HBS1L: variants seen among roughly 807,000 people sequenced by gnomAD.
HBS1L encodes HBS1 like translational GTPase.
Under a neutral mutation model 88.9 loss-of-function variants are expected in HBS1L, and 55 were observed. The ratio of observed to expected loss-of-function variants is 0.62; its 90% CI spans 0.50 to 0.77. HBS1L has a LOEUF of 0.77. HBS1L is among the 30% of genes least tolerant of loss of function. HBS1L has a pLI of 0.00. For missense variants in HBS1L, 741 were observed against 829.3 expected (o/e 0.89, Z 1.31); for synonymous variants, 267 against 288.5 (o/e 0.93, Z 0.76).
At chr6:135,025,195 G>A (rs904993082) in intron 4 of HBS1L, among the ~76,000 whole-genome samples, 6 of 152,060 alleles carry the variant, frequency 3.9e-5, no homozygotes, top group Non-Finnish European at 7.4e-5. Flanking sequence ...ACAGAAAACT[G>A]TACTTTCAAA....
In HBS1L at chr6:134,996,794, A is replaced by T. The variant is rs1218552470; in HGVS notation, c.948T>A (p.Thr316=). ...SFAYAWVLDE[T]GEERERGVTM... ...GTGACTACCTTTCCCTTTCTTCGCC[A>T]GTTTCATCCAAGACCCATGCATATG... The change falls in exon 7 of 18, where the codon ACT becomes ACA. Residue 316 remains threonine, a synonymous_variant. Transcript: ENST00000367837. The T allele has an allele frequency of 1.3e-6, 2 of 1,595,434 alleles. No homozygotes were observed. Among genetic ancestry groups the T allele is most frequent in the Non-Finnish European group, 1.7e-6 (2 of 1,173,580 alleles).
chr6:134,965,939 T>C (rs1237177727), intron 17 of HBS1L, among the ~76,000 whole-genome samples: 1 of 152,196 alleles, frequency 6.6e-6, no homozygotes, highest in Non-Finnish European at 1.5e-5. Flanking sequence ...CAGAAAACAA[T>C]CATGTGGAGT....
In HBS1L at chr6:135,054,737, A is replaced by G. The variant is rs766866329; in HGVS notation, c.-46T>C. ...CCACAGCCCCTTAACTCCTTCCAAA[A>G]CACTCCGCTTAGATACTGATAAGGC... is the stretch of plus-strand genomic sequence containing the variant. On this transcript the variant is annotated 5_prime_UTR_variant, in exon 1 of 18. Coordinates refer to ENST00000367837, the MANE Select transcript of HBS1L (RefSeq NM_006620.4). 6.2e-7 allele frequency: 1 copy of G among 1,611,600 alleles called. No homozygotes were observed. Among genetic ancestry groups the G allele is most frequent in the Admixed American group, 1.7e-5 (1 of 59,946 alleles).
At chr6:135,036,835 G>C (rs764249537) in intron 4 of HBS1L, 27 of 1,551,684 alleles carry the variant, frequency 1.7e-5, no homozygotes, top group South Asian at 2.4e-5. Context: ...CCTAGTCAGA[G>C]AGCCTTTGTT....
At chr6:134,966,286 T>C (rs763789883) in intron 17 of HBS1L, 43 bp downstream of exon 17, 8 of 1,535,872 alleles carry the variant, frequency 5.2e-6, no homozygotes, top group Admixed American at 2.0e-5. Flanking sequence ...AGAAAAGGCA[T>C]CATAACTATG....
chr6:135,010,379 C>T (rs1257787257), intron 4 of HBS1L, among the ~76,000 whole-genome samples: 2 of 152,040 alleles, frequency 1.3e-5, no homozygotes, highest in African/African-American at 4.8e-5. Context: ...AAAATCAGAC[C>T]TTTATTCTAT....
chr6:135,036,812 A>G (rs1776566439), intron 4 of HBS1L: 1 of 1,551,678 alleles, frequency 6.4e-7, no homozygotes, highest in South Asian at 1.2e-5. Context: ...CAAGAGAGAG[A>G]AAAAGGTGGT....
rs777362819 is a variant in HBS1L, at chr6:134,997,563, A to G, written c.633T>C (p.Thr211=). The G allele has an allele frequency of 3.7e-6, 6 of 1,614,024 alleles. No individual in the cohort carries two copies. The East Asian group carries it at 1.3e-4, about 36-fold the overall frequency. Residue 211 remains threonine (T), a synonymous_variant, in exon 6 of 18, where the codon ACT becomes ACC. Transcript: ENST00000367837. The part of the protein sequence containing the change: ...DAIASSDVLE[T]ASKSANPPHT... Reference sequence around the variant, plus strand: ...GGGGTGGATTAGCAGATTTAGAAGCAGTCTCAAGAACATCGGAAGAAGCAA... The same window carrying G: ...GGGGTGGATTAGCAGATTTAGAAGCGGTCTCAAGAACATCGGAAGAAGCAA...
At chr6:135,051,628 C>G (rs546771017) in intron 1 of HBS1L, among the ~76,000 whole-genome samples, 2 of 152,348 alleles carry the variant, frequency 1.3e-5, no homozygotes, top group South Asian at 4.1e-4. Flanking sequence ...CTCCAGCACA[C>G]TTACCCAATT....
At chr6:135,012,681 A>G (rs748569863) in intron 4 of HBS1L, among the ~76,000 whole-genome samples, 2 of 152,198 alleles carry the variant, frequency 1.3e-5, no homozygotes, top group Admixed American at 6.5e-5. Flanking sequence ...TCCCATAAAC[A>G]GACTGAAAAT....
chr6:135,037,048 T>C, intron 4 of HBS1L: 2 of 1,551,740 alleles, frequency 1.3e-6, no homozygotes, highest in Admixed American at 2.0e-5. Context: ...GGACTCTTTC[T>C]TAATCTGAGA....
At chr6:135,016,195 A>G (rs896812205) in intron 4 of HBS1L, among the ~76,000 whole-genome samples, 1 of 152,154 alleles carries the variant, frequency 6.6e-6, no homozygotes, top group Non-Finnish European at 1.5e-5. Flanking sequence ...CCCTCTAAAA[A>G]TATTAATGCT....
intron 1 of HBS1L, among the ~76,000 whole-genome samples, chr6:135,051,553 C>T (rs1777084588): frequency 6.6e-6 from 1 of 151,982 alleles, no homozygotes. Flanking sequence ...TCAAATGTCT[C>T]CTCTTTGCAC....
intron 15 of HBS1L, among the ~76,000 whole-genome samples, chr6:134,973,241 G>A (rs1044398230): frequency 1.3e-5 from 2 of 152,194 alleles, no homozygotes; most frequent in Non-Finnish European, 1.5e-5. Flanking sequence ...GTATATACAT[G>A]CAATGGAATG....
At chr6:135,050,518 A>G in intron 2 of HBS1L, 64 bp downstream of exon 2, 1 of 1,070,210 alleles carries the variant, frequency 9.3e-7, no homozygotes. Flanking sequence ...CCAGTCCTTG[A>G]ACGACTAACA....
At chr6:135,024,432 T>A (rs1375587872) in intron 4 of HBS1L, among the ~76,000 whole-genome samples, 1 of 133,614 alleles carries the variant, frequency 7.5e-6, no homozygotes, top group Non-Finnish European at 1.5e-5. Context: ...AGAGTGAGAC[T>A]TCGTCTCAAA....
intron 4 of HBS1L, among the ~76,000 whole-genome samples, chr6:135,003,746 T>A (rs1314133506): frequency 1.3e-5 from 2 of 151,960 alleles, no homozygotes; most frequent in African/African-American, 4.8e-5. Flanking sequence ...ACGCTTGTAA[T>A]CCCAGCTACT....
intron 4 of HBS1L, among the ~76,000 whole-genome samples, chr6:135,022,159 T>C (rs1776089766): frequency 6.6e-6 from 1 of 152,202 alleles, no homozygotes; most frequent in African/African-American, 2.4e-5. Flanking sequence ...CTGAATTTTA[T>C]TTGTCCTCTC....
At chr6:135,028,817 C>T (rs1011723376) in intron 4 of HBS1L, among the ~76,000 whole-genome samples, 3 of 151,898 alleles carry the variant, frequency 2.0e-5, no homozygotes, top group African/African-American at 2.4e-5. Context: ...TTTTTTCCTT[C>T]AAAAATCTCT....
Sources: allele counts gnomAD v4.1 joint callset (sites outside exome capture counted in the v4.1 genomes callset), GRCh38; gene constraint gnomAD v4.1.1; transcripts MANE v1.5; gene names NCBI Gene and HGNC (gene_info 2026-07-23, HGNC 2026-07-21).